Variants in RPS6KA4 observed in about 807,000 individuals in gnomAD.
RPS6KA4 encodes the protein ribosomal protein S6 kinase A4, also known as ribosomal protein S6 kinase alpha-4.
Under a neutral mutation model 89.6 loss-of-function variants are expected in RPS6KA4, and 38 were observed. The observed-to-expected ratio is 0.42, with a 90% CI of 0.33 to 0.56. RPS6KA4 has a LOEUF of 0.56. RPS6KA4 is among the 20% of genes least tolerant of loss of function. The pLI is 0.07. For missense variants in RPS6KA4, 873 were observed against 1,098.8 expected, an observed-to-expected ratio of 0.79 and a Z score of 2.90; for synonymous variants, 495 against 492.8, an observed-to-expected ratio of 1.00 and a Z score of -0.06.
intron 9 of RPS6KA4, among the ~76,000 whole-genome samples, chr11:64,366,459 A>C (rs1419684808): frequency 6.6e-6 from 1 of 152,172 alleles, no homozygotes; most frequent in African/African-American, 2.4e-5. Flanking sequence ...ATGAGCCACC[A>C]TGCCAAGCCC....
Position 64,361,398 on chromosome 11 carries a change from C to A in RPS6KA4, c.571-71C>A. 14 of 1,563,520 alleles carry A rather than the reference C, an allele frequency of 9.0e-6. No homozygotes were observed. The highest frequency in any genetic ancestry group is 1.2e-5 in the Non-Finnish European group (14 of 1,137,416). On this transcript the variant is annotated intron_variant, in intron 5 of 16. Coordinates refer to ENST00000334205, the MANE Select transcript of RPS6KA4 (RefSeq NM_003942.3). The surrounding 1 kb of genome is among the most constrained non-coding windows in gnomAD (Gnocchi z 4.7). ...AACCTCACAAGTTGAGCGAGTCTTA[C>A]TCTGGGCCTTGTGGGGCACTGGGGC... is the stretch of plus-strand genomic sequence containing the variant.
rs1050034708 is a variant in RPS6KA4, at chr11:64,361,304, T to C, written c.570+63T>C. On this transcript the variant is annotated intron_variant, in intron 5 of 16. Transcript: ENST00000334205. This position sits in a 1 kb window ranked among gnomAD's most constrained non-coding sequence, Gnocchi z 4.7. ...AATCCTTCTCCTTCCTGCCTCTTCC[T>C]GCTCTGGGCCTGCATTCTGGGGCTG... 7.3e-6 allele frequency: 11 copies of C among 1,516,756 alleles called. No homozygotes were observed. Among genetic ancestry groups the C allele is most frequent in the Non-Finnish European group, 9.1e-6 (10 of 1,097,462 alleles). The allele number at this position is 1,516,756 out of a possible 1,614,324, so 94.0% of individuals were successfully genotyped here.
chr11:64,369,769 G>A lies in RPS6KA4; in HGVS notation c.1673G>A (p.Arg558Gln). 2 of 1,611,594 alleles carry A rather than the reference G, an allele frequency of 1.2e-6. No homozygotes were observed. The highest frequency in any genetic ancestry group is 8.5e-7 in the Non-Finnish European group (1 of 1,179,404). ...KIIDFGFARL[R>Q]PQSPGVPMQT... is the part of the protein sequence containing the mutation. Reference sequence around the variant, plus strand: ...ATCGACTTCGGGTTCGCGCGGTTGCGGCCGCAGAGTCCCGGGGTGCCCATG... The same window carrying A: ...ATCGACTTCGGGTTCGCGCGGTTGCAGCCGCAGAGTCCCGGGGTGCCCATG... The change falls in exon 14 of 17, where the codon CGG becomes CAG. Residue 558 changes from arginine (R) to glutamine (Q), a missense_variant. By Grantham distance (43) the Arg-to-Gln change is conservative. This residue lies in a region of RPS6KA4 where 542 missense variants were observed against 736.4 expected (regional missense o/e 0.74). Transcript: ENST00000334205.
Position 64,369,496 on chromosome 11 carries a change from G to A in RPS6KA4, c.1479G>A (p.Glu493=), listed in dbSNP as rs2036993714. The change falls in exon 13 of 17, where the codon GAG becomes GAA. Residue 493 remains glutamate, a synonymous_variant. Coordinates refer to ENST00000334205, the MANE Select transcript of RPS6KA4 (RefSeq NM_003942.3). Reference sequence around the variant, plus strand: ...TGCTGCGGGGCGGGGAGCTGCTGGAGCACATCCGCAAGAAGCGGCACTTCA... The same window carrying A: ...TGCTGCGGGGCGGGGAGCTGCTGGAACACATCCGCAAGAAGCGGCACTTCA... ...LELLRGGELL[E]HIRKKRHFSE... The A allele has an allele frequency of 6.2e-7, 1 of 1,610,196 alleles. No individual in the cohort carries two copies. The highest frequency in any genetic ancestry group is 1.7e-5 in the Admixed American group (1 of 59,868).
chr11:64,360,473 C>T lies in RPS6KA4; in HGVS notation c.347-4C>T, dbSNP rs200236567. ...TGCTTCCTGACTTCCACTGCACCTC[C>T]CAGACTATGTGAGCGGCGGGGAGAT... On this transcript the variant is annotated splice_polypyrimidine_tract_variant and splice_region_variant and intron_variant, in intron 3 of 16. Transcript: ENST00000334205. 2 of 1,611,006 alleles carry T rather than the reference C, an allele frequency of 1.2e-6. No individual in the cohort carries two copies. The highest frequency in any genetic ancestry group is 4.5e-5 in the East Asian group (2 of 44,680).
At position 64,360,221 on chromosome 11, in the gene RPS6KA4, C is replaced by T. The variant is rs1184279671; in HGVS notation, c.186C>T (p.Tyr62=). 1.3e-6 allele frequency: 2 copies of T among 1,548,388 alleles called. No homozygotes were observed. Among genetic ancestry groups the T allele is most frequent in the South Asian group, 1.2e-5 (1 of 83,956 alleles). The change falls in exon 3 of 17, where the codon TAC becomes TAT. Residue 62 remains tyrosine, a synonymous_variant. Coordinates refer to ENST00000334205, the MANE Select transcript of RPS6KA4 (RefSeq NM_003942.3). ...KAGGHDAGKL[Y]AMKVLRKAAL... ...GCGGGCACGACGCGGGGAAGCTGTA[C>T]GCCATGAAGGTGCTGCGCAAGGCGG...
chr11:64,360,630 A>G lies in RPS6KA4; in HGVS notation c.462+38A>G, dbSNP rs375335435. The G allele has an allele frequency of 2.0e-5, 31 of 1,528,096 alleles. 1 individual carries two copies. In the Middle Eastern group the frequency reaches 8.4e-4, roughly 42 times the overall value. 94.7% of individuals were successfully genotyped at this position (1,528,096 alleles called of 1,614,324 possible). ...CTGGCCGCAGGCTGTTGCTATGGAA[A>G]CTGGGTCTGTGCCTTGGAAGGAATC... On this transcript the variant is annotated intron_variant, in intron 4 of 16. Transcript: ENST00000334205.
At position 64,370,165 on chromosome 11, in the gene RPS6KA4, G is replaced by T. The variant is rs1303410144; in HGVS notation, c.1798-60G>T. 6.7e-7 allele frequency: 1 copy of T among 1,496,376 alleles called. No individual in the cohort carries two copies. 92.7% of individuals were successfully genotyped at this position (1,496,376 alleles called of 1,614,324 possible). ...GGAGGGTGAGTGGTTCTGTGGGAGC[G>T]GAGGGGTCAGCCTCGGCACCCCAGC... On this transcript the variant is annotated intron_variant, in intron 14 of 16. Coordinates refer to ENST00000334205, the MANE Select transcript of RPS6KA4 (RefSeq NM_003942.3). This position sits in a 1 kb window ranked among gnomAD's most constrained non-coding sequence, Gnocchi z 4.1.
At chr11:64,365,638 C>T (rs2036861373) in intron 9 of RPS6KA4, among the ~76,000 whole-genome samples, 173 bp downstream of exon 9, 1 of 152,222 alleles carries the variant, frequency 6.6e-6, no homozygotes, top group Admixed American at 6.5e-5. Flanking sequence ...CAGAGACCAC[C>T]CAGGCAGGAT....
intron 2 of RPS6KA4, among the ~76,000 whole-genome samples, chr11:64,359,944 C>T (rs1474365260): frequency 1.3e-5 from 2 of 152,260 alleles, no homozygotes; most frequent in African/African-American, 2.4e-5. Flanking sequence ...TGCTCCCCAG[C>T]CTGGTTTGCA....
chr11:64,365,506 G>A, intron 9 of RPS6KA4, 41 bp downstream of exon 9: 1 of 1,608,516 alleles, frequency 6.2e-7, no homozygotes, highest in East Asian at 2.2e-5. Flanking sequence ...GGAGAGATGA[G>A]ATGTTGCTGT....
At position 64,361,138 on chromosome 11, in the gene RPS6KA4, G is replaced by A. The variant is rs1262453471; in HGVS notation, c.467G>A (p.Gly156Asp). 2 of 1,612,818 alleles carry A rather than the reference G, an allele frequency of 1.2e-6. No homozygotes were observed. Among genetic ancestry groups the A allele is most frequent in the African/African-American group, 2.7e-5 (2 of 74,912 alleles). Residue 156 changes from glycine to aspartate, a missense_variant, in exon 5 of 17, where the codon GGC becomes GAC. Coordinates refer to ENST00000334205, the MANE Select transcript of RPS6KA4 (RefSeq NM_003942.3). The surrounding 1 kb of genome is among the most constrained non-coding windows in gnomAD (Gnocchi z 4.7). Reference sequence around the variant, plus strand: ...CACCCCTCTTGCTCCTACCAGCTCGGCATCATTTACCGAGACCTGAAACTG... The same window carrying A: ...CACCCCTCTTGCTCCTACCAGCTCGACATCATTTACCGAGACCTGAAACTG... ...VLALEHLHKL[G>D]IIYRDLKLEN...
chr11:64,367,947 G>C (rs2036928201), intron 9 of RPS6KA4, among the ~76,000 whole-genome samples, 185 bp from the exon 10 acceptor site: 2 of 152,310 alleles, frequency 1.3e-5, no homozygotes, highest in Non-Finnish European at 2.9e-5. Context: ...ATGGCCCCAA[G>C]TGATTATAAA....
In RPS6KA4 at chr11:64,369,840, G is replaced by A; in HGVS notation, c.1744G>A (p.Ala582Thr). 3.8e-6 allele frequency: 6 copies of A among 1,585,180 alleles called. No individual in the cohort carries two copies. The highest frequency in any genetic ancestry group is 1.3e-5 in the African/African-American group (1 of 74,406). ...GCAGTACGCTGCCCCCGAGCTGCTG[G>A]CGCAGCAGGGCTACGACGAGTCCTG... ...TLQYAAPELL[A>T]QQGYDESCDL... is the part of the protein sequence containing the mutation. Residue 582 changes from alanine (A) to threonine (T), a missense_variant, in exon 14 of 17, where the codon GCG becomes ACG. By Grantham distance (58) the Ala-to-Thr change is moderately conservative. Transcript: ENST00000334205.
At position 64,368,771 on chromosome 11, in the gene RPS6KA4, A is replaced by T. The variant is rs1265697275; in HGVS notation, c.1402A>T (p.Asn468Tyr). 1 of 1,571,254 alleles carries T rather than the reference A, an allele frequency of 6.4e-7. No homozygotes were observed. The highest frequency in any genetic ancestry group is 1.8e-5 in the Admixed American group (1 of 54,100). The change falls in exon 12 of 17, where the codon AAT becomes TAT. Residue 468 changes from asparagine to tyrosine, a missense_variant. Coordinates refer to ENST00000334205, the MANE Select transcript of RPS6KA4 (RefSeq NM_003942.3). The stretch of plus-strand genomic sequence containing the variant: ...GTGCCAGTCACACCCCAACGTGGTG[A>T]ATCTGCACGAGGTGCATCACGACCA... ...RLCQSHPNVVNLHEVHHDQLH... is the reference protein window; with the variant it reads ...RLCQSHPNVVYLHEVHHDQLH...
At position 64,361,343 on chromosome 11, in the gene RPS6KA4, C is replaced by T; in HGVS notation, c.570+102C>T. On this transcript the variant is annotated intron_variant, in intron 5 of 16. Coordinates refer to ENST00000334205, the MANE Select transcript of RPS6KA4 (RefSeq NM_003942.3). This position sits in a 1 kb window ranked among gnomAD's most constrained non-coding sequence, Gnocchi z 4.7. ...ATTCTGGGGCTGCAGAAGTGAATAGCTCCAAGAAGTTTCCACAGCTCAGCT... is the reference window on the plus strand; with the variant it reads ...ATTCTGGGGCTGCAGAAGTGAATAGTTCCAAGAAGTTTCCACAGCTCAGCT... 6.9e-7 allele frequency: 1 copy of T among 1,447,948 alleles called. No individual in the cohort carries two copies. Among genetic ancestry groups the T allele is most frequent in the South Asian group, 1.2e-5 (1 of 83,946 alleles). 89.7% of individuals were successfully genotyped at this position (1,447,948 alleles called of 1,614,324 possible). A position where few individuals can be genotyped will look rare whatever the true frequency, so the allele number is the denominator to read the frequency against.
chr11:64,370,378 G>C lies in RPS6KA4; in HGVS notation c.1951G>C (p.Val651Leu). 1 of 1,610,740 alleles carries C rather than the reference G, an allele frequency of 6.2e-7. No homozygotes were observed. Among genetic ancestry groups the C allele is most frequent in the South Asian group, 1.1e-5 (1 of 90,868 alleles). ...TGTATCCGAGGAAGCCAAGGAGCTG[G>C]TCCGAGGTGCGGAGCTGGAGGTCAT... ...QGVSEEAKELVRGLLTVDPAK... is the reference protein window; with the variant it reads ...QGVSEEAKELLRGLLTVDPAK... Residue 651 changes from valine (V) to leucine (L), a missense_variant, in exon 15 of 17, where the codon GTC becomes CTC. Coordinates refer to ENST00000334205, the MANE Select transcript of RPS6KA4 (RefSeq NM_003942.3). The surrounding 1 kb of genome is among the most constrained non-coding windows in gnomAD (Gnocchi z 4.1).
At chr11:64,369,958 G>A in intron 14 of RPS6KA4, 65 bp downstream of exon 14, 1 of 1,419,862 alleles carries the variant, frequency 7.0e-7, no homozygotes, top group Non-Finnish European at 9.3e-7. Context: ...CTGATGTGCA[G>A]CAGCACGAGG....
At position 64,370,711 on chromosome 11, in the gene RPS6KA4, C is replaced by A; in HGVS notation, c.2106C>A (p.Leu702=). 6.4e-7 allele frequency: 1 copy of A among 1,556,948 alleles called. No homozygotes were observed. Among genetic ancestry groups the A allele is most frequent in the Non-Finnish European group, 8.7e-7 (1 of 1,154,672 alleles). ...CTGGGCCCGCAGTGCGCTCGGGTCTCAACGCCACCTTCATGGTAAGGGGCA... is the reference window on the plus strand; with the variant it reads ...CTGGGCCCGCAGTGCGCTCGGGTCTAAACGCCACCTTCATGGTAAGGGGCA... The part of the protein sequence containing the change: ...ESSGPAVRSG[L]NATFMAFNRG... Residue 702 remains leucine (L), a synonymous_variant, in exon 16 of 17, where the codon CTC becomes CTA. Transcript: ENST00000334205. This position sits in a 1 kb window ranked among gnomAD's most constrained non-coding sequence, Gnocchi z 4.1.
Sources: allele counts gnomAD v4.1 joint callset (sites outside exome capture counted in the v4.1 genomes callset), GRCh38; gene constraint gnomAD v4.1.1; regional missense constraint gnomAD v4.1.1; non-coding constraint Gnocchi (gnomAD v3.1); transcripts MANE v1.5; gene names NCBI Gene and HGNC (gene_info 2026-07-23, HGNC 2026-07-21).